DLG2: variants seen among roughly 807,000 people sequenced by gnomAD.
The protein encoded by DLG2 is discs large MAGUK scaffold protein 2, also known as disks large homolog 2.
DLG2 carries 45 observed loss-of-function variants against 132.5 expected under a neutral mutation model. That is an observed-to-expected ratio of 0.34 (90% CI 0.27 to 0.44). The LOEUF (loss-of-function observed/expected upper bound fraction) is 0.44. Among genes scored for constraint, DLG2 ranks in the 20% least tolerant of loss-of-function variants. The probability of loss-of-function intolerance (pLI) is 1.00; values close to 1 mark genes in which losing one functional copy is unlikely to be tolerated. For missense variants in DLG2, 1,045 were observed against 1,196.9 expected (o/e 0.87, Z 1.87); for synonymous variants, 424 against 419.6 (o/e 1.01, Z -0.13).
intron 18 of DLG2, among the ~76,000 whole-genome samples, chr11:83,776,495 G>A (rs544367080): frequency 5.9e-5 from 9 of 152,160 alleles, no homozygotes; most frequent in Non-Finnish European, 1.0e-4. Flanking sequence ...CAGCCTCTTC[G>A]GTGCTTTCTG....
At chr11:84,359,557 C>T (rs745773607) in intron 7 of DLG2, among the ~76,000 whole-genome samples, 1 of 151,952 alleles carries the variant, frequency 6.6e-6, no homozygotes, top group Non-Finnish European at 1.5e-5. Flanking sequence ...AAAAGTTCAA[C>T]GACTTTCAGA....
chr11:84,377,535 C>T (rs959858507), intron 7 of DLG2, among the ~76,000 whole-genome samples: 4 of 151,694 alleles, frequency 2.6e-5, no homozygotes, highest in Non-Finnish European at 5.9e-5. Context: ...TGGTTATATA[C>T]ATTAGTATTA....
At chr11:84,827,672 C>G (rs973034740) in intron 6 of DLG2, among the ~76,000 whole-genome samples, 29 of 11,522 alleles carry the variant, frequency 2.5e-3, no homozygotes, top group African/African-American at 0.013. Context: ...TGAGTACATA[C>G]AGTCAAAAAA....
In DLG2 at chr11:85,043,158, T is replaced by C. The variant is rs2062021717; in HGVS notation, c.357+68503A>G. Among the ~76,000 whole-genome samples, 4 of 152,000 alleles carry C rather than the reference T, an allele frequency of 2.6e-5. No homozygotes were observed. In the South Asian group the frequency reaches 8.3e-4, roughly 32 times the overall value. ...CCTGTCTTATTGAACATTTAGGTTA[T>C]CACAATTATAGGACCTTACACAAAG... On this transcript the variant is annotated intron_variant, in intron 6 of 27. Transcript: ENST00000376104.
chr11:85,442,726 A>C (rs554195291), intron 3 of DLG2, among the ~76,000 whole-genome samples: 4 of 151,762 alleles, frequency 2.6e-5, no homozygotes, highest in African/African-American at 9.7e-5. Context: ...AAAATAAATT[A>C]AAAAAAATAG....
intron 17 of DLG2, among the ~76,000 whole-genome samples, chr11:83,789,071 C>T (rs2040792716): frequency 6.6e-6 from 1 of 152,126 alleles, no homozygotes; most frequent in African/African-American, 2.4e-5. Context: ...CAGAAAAGCT[C>T]AACTTCTCAC....
intron 10 of DLG2, among the ~76,000 whole-genome samples, chr11:84,091,167 A>G (rs548772431): frequency 9.9e-5 from 15 of 152,186 alleles, no homozygotes; most frequent in Non-Finnish European, 1.9e-4. Flanking sequence ...CACGGCCATA[A>G]ACACACATAC....
intron 3 of DLG2, among the ~76,000 whole-genome samples, chr11:85,295,201 G>T (rs1424888596): frequency 6.6e-6 from 1 of 152,006 alleles, no homozygotes; most frequent in East Asian, 1.9e-4. Flanking sequence ...ACCTCACAAA[G>T]ATTTACCATG....
At position 83,726,668 on chromosome 11, in the gene DLG2, A is replaced by G. The variant is rs566033451; in HGVS notation, c.1825+60022T>C. On this transcript the variant is annotated intron_variant, in intron 18 of 27. Transcript: ENST00000376104. ...TAGACACAGGTATTTGACCATTGCC[A>G]AACAGGTCAGCCACAAGTGGAAGCT... Among the ~76,000 whole-genome samples, 155 of 152,242 alleles carry G rather than the reference A, an allele frequency of 1.0e-3. 5 individuals are homozygous for G. The South Asian group carries it at 0.032, about 31-fold the overall frequency.
intron 7 of DLG2, among the ~76,000 whole-genome samples, chr11:84,480,549 A>G (rs1205808125): frequency 6.6e-6 from 1 of 151,986 alleles, no homozygotes; most frequent in Admixed American, 6.6e-5. Flanking sequence ...AAAAAAGAAA[A>G]AAAGAAAGAA....
chr11:84,401,392 C>A (rs2154446920), intron 7 of DLG2, among the ~76,000 whole-genome samples: 1 of 152,162 alleles, frequency 6.6e-6, no homozygotes, highest in African/African-American at 2.4e-5. Context: ...CCACCCCCAA[C>A]CCCTGGACTG....
chr11:83,583,097 CTCACTTGAGAGTT>C (rs1423952174), intron 19 of DLG2, among the ~76,000 whole-genome samples: 1 of 152,220 alleles, frequency 6.6e-6, no homozygotes, highest in Non-Finnish European at 1.5e-5. Context: ...TGCATAATCT[CTCACTTGAGAGTT>C]TCATTTTAGT....
intron 6 of DLG2, among the ~76,000 whole-genome samples, chr11:84,547,835 C>T (rs1378041674): frequency 6.6e-6 from 1 of 152,042 alleles, no homozygotes; most frequent in Non-Finnish European, 1.5e-5. Context: ...TTAATAAATG[C>T]TACTAAATGG....
intron 6 of DLG2, among the ~76,000 whole-genome samples, chr11:84,670,281 C>T (rs899617784): frequency 2.6e-5 from 4 of 152,104 alleles, no homozygotes; most frequent in African/African-American, 9.7e-5. Flanking sequence ...TCTCAGAGGG[C>T]AGGCTCTCTC....
chr11:83,569,258 GAC>G (rs907770728), intron 19 of DLG2, among the ~76,000 whole-genome samples: 4 of 151,522 alleles, frequency 2.6e-5, no homozygotes, highest in African/African-American at 9.7e-5. Flanking sequence ...AAATTCTTAA[GAC>G]AGTCTCTGAA....
chr11:84,791,120 T>C (rs2073781943), intron 6 of DLG2, among the ~76,000 whole-genome samples: 1 of 152,084 alleles, frequency 6.6e-6, no homozygotes, highest in Admixed American at 6.5e-5. Flanking sequence ...GGAGGAACTG[T>C]CAAACACTTA....
chr11:85,523,092 G>A (rs1457416130), intron 3 of DLG2, among the ~76,000 whole-genome samples: 2 of 152,188 alleles, frequency 1.3e-5, no homozygotes, highest in African/African-American at 2.4e-5. Flanking sequence ...TGTATTGGGG[G>A]AGGGACCTTG....
chr11:84,850,850 C>T (rs1034002920), intron 6 of DLG2, among the ~76,000 whole-genome samples: 9 of 151,814 alleles, frequency 5.9e-5, no homozygotes, highest in Non-Finnish European at 1.2e-4. Flanking sequence ...AAGTAAAAGA[C>T]TTGTATACCA....
chr11:85,339,425 A>G (rs936980816), intron 3 of DLG2, among the ~76,000 whole-genome samples: 8 of 152,202 alleles, frequency 5.3e-5, no homozygotes, highest in Non-Finnish European at 8.8e-5. Flanking sequence ...ATTTTTTACT[A>G]GGTATTGTCC....
Sources: allele counts gnomAD v4.1 joint callset (sites outside exome capture counted in the v4.1 genomes callset), GRCh38; gene constraint gnomAD v4.1.1; transcripts MANE v1.5; gene names NCBI Gene and HGNC (gene_info 2026-07-23, HGNC 2026-07-21).